SDCCAG8: variants seen among roughly 807,000 people sequenced by gnomAD.
SDCCAG8 encodes SHH signaling and ciliogenesis regulator SDCCAG8.
A neutral mutation model predicts 101.8 loss-of-function variants in SDCCAG8; 74 were observed. The observed-to-expected ratio is 0.73, with a 90% CI of 0.60 to 0.88. The LOEUF (loss-of-function observed/expected upper bound fraction) is 0.88. Ranked by LOEUF, SDCCAG8 falls within the 40% of genes least tolerant of loss-of-function variation. SDCCAG8 has a pLI of 0.00. For synonymous variants in SDCCAG8, 281 were observed against 292.9 expected (o/e 0.96, Z 0.41); for missense variants, 787 against 822.6 (o/e 0.96, Z 0.53).
rs2149264026 is a variant in SDCCAG8, at chr1:243,271,014, A to T, written c.257A>T (p.Asp86Val). Reference protein sequence around the residue: ...QLKDLLRQQADKESEVSPSRR... With the variant: ...QLKDLLRQQAVKESEVSPSRR... ...AAAGATTTGTTGCGCCAACAAGCAG[A>T]TAAGGAAAGTGAAGTATCTCCGTCA... The change falls in exon 3 of 18, where the codon GAT (aspartate) becomes GTT (valine). Residue 86 changes from aspartate to valine, a missense_variant. Coordinates refer to ENST00000366541, the MANE Select transcript of SDCCAG8 (RefSeq NM_006642.5). The T allele has an allele frequency of 1.2e-6, 2 of 1,613,720 alleles. No individual in the cohort carries two copies. Among genetic ancestry groups the T allele is most frequent in the Non-Finnish European group, 1.7e-6 (2 of 1,179,752 alleles).
At chr1:243,297,747 T>G (rs1008997946) in intron 6 of SDCCAG8, among the ~76,000 whole-genome samples, 11 of 152,370 alleles carry the variant, frequency 7.2e-5, no homozygotes, top group African/African-American at 2.6e-4. Flanking sequence ...GTGAGCCGCC[T>G]ATTCAGATAT....
chr1:243,438,162 T>C (rs1439611603), intron 16 of SDCCAG8, among the ~76,000 whole-genome samples: 2 of 152,164 alleles, frequency 1.3e-5, no homozygotes, highest in Non-Finnish European at 2.9e-5. Flanking sequence ...ATCTTTCCTG[T>C]GCGCATCCGG....
In SDCCAG8 at chr1:243,280,769, A is replaced by T. The variant is rs79580650; in HGVS notation, c.421-5503A>T. Among the ~76,000 whole-genome samples, 1,038 of 152,138 alleles carry T rather than the reference A, an allele frequency of 6.8e-3. 12 individuals are homozygous for T. The highest frequency in any genetic ancestry group is 0.024 in the African/African-American group (1,001 of 41,488). On this transcript the variant is annotated intron_variant, in intron 4 of 17. Coordinates refer to ENST00000366541, the MANE Select transcript of SDCCAG8 (RefSeq NM_006642.5). ...TGTTATTGATTTCTGGTTTAATTCC[A>T]TTGTTGTCTGACAGCATACTTTCCT...
intron 16 of SDCCAG8, among the ~76,000 whole-genome samples, chr1:243,429,352 A>G (rs910293913): frequency 6.6e-6 from 1 of 152,152 alleles, no homozygotes; most frequent in African/African-American, 2.4e-5. Flanking sequence ...TATGTTATCA[A>G]TATAAGGCTT....
chr1:243,332,776 G>A (rs1001404100), intron 10 of SDCCAG8, among the ~76,000 whole-genome samples: 1 of 151,866 alleles, frequency 6.6e-6, no homozygotes, highest in Non-Finnish European at 1.5e-5. Context: ...GTCTGGAGGT[G>A]ATTATCGTGG....
chr1:243,454,313 CAG>C (rs1366639889), intron 16 of SDCCAG8, among the ~76,000 whole-genome samples: 1 of 152,046 alleles, frequency 6.6e-6, no homozygotes, highest in African/African-American at 2.4e-5. Context: ...AACTGAGACA[CAG>C]AGGCCAAGCA....
At chr1:243,278,627 C>T (rs1446039622) in intron 4 of SDCCAG8, among the ~76,000 whole-genome samples, 1 of 152,150 alleles carries the variant, frequency 6.6e-6, no homozygotes, top group Admixed American at 6.5e-5. Flanking sequence ...ACCTTGTATT[C>T]TGCAACCTTG....
At chr1:243,317,286 AC>A (rs2073338928) in intron 9 of SDCCAG8, among the ~76,000 whole-genome samples, 1 of 151,836 alleles carries the variant, frequency 6.6e-6, no homozygotes, top group South Asian at 2.1e-4. Flanking sequence ...ATCCAAATAT[AC>A]CAAAGACAAT....
intron 16 of SDCCAG8, among the ~76,000 whole-genome samples, chr1:243,451,783 G>A (rs2083374120): frequency 6.6e-6 from 1 of 152,238 alleles, no homozygotes; most frequent in South Asian, 2.1e-4. Flanking sequence ...ACAAAAACCA[G>A]CCAGGCTTGG....
chr1:243,490,189 G>A (rs1006883051), intron 17 of SDCCAG8, among the ~76,000 whole-genome samples: 1 of 152,200 alleles, frequency 6.6e-6, no homozygotes, highest in Non-Finnish European at 1.5e-5. Flanking sequence ...TTTCCCACTC[G>A]GTCCAAAATC....
At chr1:243,271,750 G>A (rs1384738327) in intron 3 of SDCCAG8, among the ~76,000 whole-genome samples, 1 of 152,018 alleles carries the variant, frequency 6.6e-6, no homozygotes, top group African/African-American at 2.4e-5. Context: ...CACCATATTG[G>A]CTAGGCTGGT....
At chr1:243,317,184 C>A (rs2073326546) in intron 9 of SDCCAG8, among the ~76,000 whole-genome samples, 1 of 152,020 alleles carries the variant, frequency 6.6e-6, no homozygotes, top group African/African-American at 2.4e-5. Flanking sequence ...TGCAATGCTG[C>A]AAAAATCTTA....
intron 12 of SDCCAG8, among the ~76,000 whole-genome samples, chr1:243,371,052 TCTC>T (rs2077262391): frequency 6.6e-6 from 1 of 152,040 alleles, no homozygotes; most frequent in Non-Finnish European, 1.5e-5. Flanking sequence ...AGCCCTAAAG[TCTC>T]CTGCAGAAAT....
At chr1:243,430,802 A>AT (rs1246309174) in intron 16 of SDCCAG8, among the ~76,000 whole-genome samples, 2 of 152,178 alleles carry the variant, frequency 1.3e-5, no homozygotes, top group Admixed American at 6.5e-5. Flanking sequence ...AAATCAAAAG[A>AT]TTTTTTAAAA....
intron 14 of SDCCAG8, among the ~76,000 whole-genome samples, chr1:243,417,570 GA>G (rs2080680971): frequency 6.6e-6 from 1 of 152,140 alleles, no homozygotes; most frequent in Non-Finnish European, 1.5e-5. Flanking sequence ...AGAATTCCTC[GA>G]TGATTTTAGT....
At chr1:243,490,131 TCTC>T (rs1259841598) in intron 17 of SDCCAG8, among the ~76,000 whole-genome samples, 1 of 152,196 alleles carries the variant, frequency 6.6e-6, no homozygotes, top group Non-Finnish European at 1.5e-5. Context: ...GGAGTCTCAT[TCTC>T]CTCACAAAAT....
At chr1:243,292,865 C>G (rs189223316) in intron 5 of SDCCAG8, among the ~76,000 whole-genome samples, 1 of 152,288 alleles carries the variant, frequency 6.6e-6, no homozygotes, top group East Asian at 1.9e-4. Context: ...ATCTAGCCCT[C>G]TTTGCCCATA....
chr1:243,298,100 G>A (rs985899824), intron 6 of SDCCAG8, among the ~76,000 whole-genome samples: 2 of 148,140 alleles, frequency 1.4e-5, no homozygotes, highest in African/African-American at 2.5e-5. Context: ...CCAGGCTGGA[G>A]TGCAGTGGTG....
chr1:243,267,631 A>G, intron 1 of SDCCAG8: 1 of 698,078 alleles, frequency 1.4e-6, no homozygotes, highest in Admixed American at 2.1e-5. Flanking sequence ...GTCCCGGTCA[A>G]CTGTGGGCAC....
Sources: allele counts gnomAD v4.1 joint callset (sites outside exome capture counted in the v4.1 genomes callset), GRCh38; gene constraint gnomAD v4.1.1; transcripts MANE v1.5; gene names NCBI Gene and HGNC (gene_info 2026-07-23, HGNC 2026-07-21).